The following VPS13B variants were observed in gnomAD, a reference collection of about 807,000 sequenced individuals.
VPS13B encodes vacuolar protein sorting 13 homolog B, also known as intermembrane lipid transfer protein VPS13B.
Under a neutral mutation model 426.4 loss-of-function variants are expected in VPS13B, and 285 were observed. The ratio of observed to expected loss-of-function variants is 0.67; its 90% CI spans 0.61 to 0.74. The LOEUF (loss-of-function observed/expected upper bound fraction) is 0.74. VPS13B is among the 30% of genes least tolerant of loss of function. The pLI is 0.00. For synonymous variants in VPS13B, 1,676 were observed against 1,676.4 expected (o/e 1.00, Z 0.01); for missense variants, 4,537 against 4,782.6 (o/e 0.95, Z 1.51).
At chr8:99,667,551 G>A (rs568043636) in intron 35 of VPS13B, among the ~76,000 whole-genome samples, 2 of 152,130 alleles carry the variant, frequency 1.3e-5, no homozygotes, top group Non-Finnish European at 2.9e-5. Context: ...TCAGCTGTGT[G>A]TGACTTCTTC....
chr8:99,589,362 A>C, intron 33 of VPS13B, among the ~76,000 whole-genome samples: 1 of 150,400 alleles, frequency 6.6e-6, no homozygotes, highest in Non-Finnish European at 1.5e-5. Flanking sequence ...CCGCTCCCCC[A>C]ACCCCACAAC....
At chr8:99,721,188 G>T in intron 39 of VPS13B, 141 bp downstream of exon 39, 1 of 864,046 alleles carries the variant, frequency 1.2e-6, no homozygotes, top group Non-Finnish European at 1.9e-6. Context: ...TGGTGTGTGT[G>T]TATCCACACA....
intron 25 of VPS13B, among the ~76,000 whole-genome samples, chr8:99,484,604 CT>C (rs1321872298): frequency 6.6e-6 from 1 of 152,032 alleles, no homozygotes; most frequent in African/African-American, 2.4e-5. Flanking sequence ...AAAACAATGA[CT>C]ATGTTTTCTT....
At chr8:99,589,620 G>C (rs201380879) in intron 33 of VPS13B, among the ~76,000 whole-genome samples, 2 of 151,772 alleles carry the variant, frequency 1.3e-5, no homozygotes, top group Admixed American at 1.3e-4. Context: ...GGACATTTCG[G>C]TTGGTTCCAA....
rs533891715 is a variant in VPS13B at position 99,289,012 on chromosome 8, C to T, written c.2824+13758C>T. 7.4e-5 allele frequency among the ~76,000 whole-genome samples: 11 copies of T among 149,534 alleles called. No homozygotes were observed. In the South Asian group the frequency reaches 2.3e-3, roughly 31 times the overall value. On this transcript the variant is annotated intron_variant, in intron 19 of 61. Transcript: ENST00000357162. The stretch of plus-strand genomic sequence containing the variant: ...AGGAGTTTGAGACCAGCCTGGACAA[C>T]ATAGTGAGACCCCTGCCTCTATGAA...
At chr8:99,871,187 A>C in intron 60 of VPS13B, 1 of 613,312 alleles carries the variant, frequency 1.6e-6, no homozygotes. Context: ...CCAGCACTCT[A>C]ATTAGAGGTG....
At chr8:99,865,750 G>A (rs911260695) in intron 58 of VPS13B, among the ~76,000 whole-genome samples, 11 of 152,234 alleles carry the variant, frequency 7.2e-5, no homozygotes, top group East Asian at 1.9e-4. Context: ...CTGGAAGGGC[G>A]AGCTGTGGCG....
At chr8:99,793,279 AT>A (rs1812652661) in intron 43 of VPS13B, among the ~76,000 whole-genome samples, 1 of 145,104 alleles carries the variant, frequency 6.9e-6, no homozygotes, top group African/African-American at 2.5e-5. Context: ...ATATATATAT[AT>A]ATATAAAATA....
At chr8:99,466,758 G>A (rs907916707) in intron 23 of VPS13B, among the ~76,000 whole-genome samples, 2 of 152,132 alleles carry the variant, frequency 1.3e-5, no homozygotes, top group African/African-American at 2.4e-5. Context: ...CAGAGATTTT[G>A]ATTAAGAAGG....
intron 16 of VPS13B, among the ~76,000 whole-genome samples, chr8:99,184,361 C>T (rs1279977487): frequency 2.0e-5 from 3 of 152,130 alleles, no homozygotes; most frequent in South Asian, 2.1e-4. Flanking sequence ...TGTTTTTTCA[C>T]AGCCCTGCTG....
chr8:99,298,596 A>G (rs1365709327), intron 19 of VPS13B, among the ~76,000 whole-genome samples: 4 of 152,158 alleles, frequency 2.6e-5, no homozygotes, highest in Non-Finnish European at 5.9e-5. Context: ...TAAATAATTC[A>G]CTCAATGACA....
intron 23 of VPS13B, among the ~76,000 whole-genome samples, chr8:99,465,537 T>C (rs921366804): frequency 6.6e-6 from 1 of 151,996 alleles, no homozygotes; most frequent in African/African-American, 2.4e-5. Flanking sequence ...ATTTAACAAA[T>C]TTTAATCTGG....
chr8:99,526,811 A>G (rs1030032751), intron 30 of VPS13B, among the ~76,000 whole-genome samples: 1 of 152,190 alleles, frequency 6.6e-6, no homozygotes, highest in Admixed American at 6.5e-5. Context: ...AGTGATTCCT[A>G]AATTTACTGT....
At chr8:99,453,685 G>A (rs938148244) in intron 23 of VPS13B, among the ~76,000 whole-genome samples, 20 of 152,038 alleles carry the variant, frequency 1.3e-4, no homozygotes, top group Admixed American at 1.2e-3. Flanking sequence ...CAATATGGCA[G>A]CCCTAATATG....
chr8:99,048,951 A>G (rs1843375595), intron 3 of VPS13B, among the ~76,000 whole-genome samples: 1 of 152,060 alleles, frequency 6.6e-6, no homozygotes. Context: ...GTTGCTTCAA[A>G]GTTTATTTTG....
intron 36 of VPS13B, among the ~76,000 whole-genome samples, chr8:99,715,021 G>A (rs942984504): frequency 6.6e-6 from 1 of 152,054 alleles, no homozygotes; most frequent in Non-Finnish European, 1.5e-5. Context: ...TAGGTGAAGG[G>A]TGTACAGGAA....
rs951811309 is a variant in VPS13B at position 99,801,886 on chromosome 8, A to T, written c.7942-7489A>T. Among the ~76,000 whole-genome samples the T allele has an allele frequency of 7.9e-5, 12 of 152,216 alleles. 1 individual carries two copies. The highest frequency in any genetic ancestry group is 2.9e-5 in the Non-Finnish European group (2 of 68,036). On this transcript the variant is annotated intron_variant, in intron 43 of 61. Transcript: ENST00000357162. ...CAAATTGAGCCAGGTACAGTGGTGCATGTCTGCAGTTCCAGTACTTGGGGA... is the reference window on the plus strand; with the variant it reads ...CAAATTGAGCCAGGTACAGTGGTGCTTGTCTGCAGTTCCAGTACTTGGGGA...
intron 22 of VPS13B, 66 bp from the exon 23 acceptor site, chr8:99,442,335 G>A: frequency 7.3e-7 from 1 of 1,367,192 alleles, no homozygotes. Context: ...TTCTGGCGAA[G>A]ATGTTAGGTG....
chr8:99,647,838 G>C (rs1347293722), intron 34 of VPS13B, among the ~76,000 whole-genome samples: 1 of 152,002 alleles, frequency 6.6e-6, no homozygotes, highest in African/African-American at 2.4e-5. Context: ...TTAAAGTATG[G>C]CTCTGGGTGA....
Sources: allele counts gnomAD v4.1 joint callset (sites outside exome capture counted in the v4.1 genomes callset), GRCh38; gene constraint gnomAD v4.1.1; transcripts MANE v1.5; gene names NCBI Gene and HGNC (gene_info 2026-07-23, HGNC 2026-07-21).